MARCHF1: variants seen among roughly 807,000 people sequenced by gnomAD.
MARCHF1 encodes the protein membrane associated ring-CH-type finger 1, also known as E3 ubiquitin-protein ligase MARCHF1.
A neutral mutation model predicts 54.2 loss-of-function variants in MARCHF1; 40 were observed. The ratio of observed to expected loss-of-function variants is 0.74; its 90% CI spans 0.57 to 0.96. MARCHF1 has a LOEUF of 0.96. Ranked by LOEUF, MARCHF1 falls within the 40% of genes least tolerant of loss-of-function variation. The probability of loss-of-function intolerance (pLI) is 0.00; values close to 1 mark genes in which losing one functional copy is unlikely to be tolerated. For synonymous variants in MARCHF1, 236 were observed against 236.3 expected (o/e 1.00, Z 0.01); for missense variants, 586 against 656.5 (o/e 0.89, Z 1.17).
intron 1 of MARCHF1, among the ~76,000 whole-genome samples, chr4:164,122,735 G>A (rs534034373): frequency 1.4e-4 from 22 of 151,822 alleles, no homozygotes; most frequent in Admixed American, 6.6e-4. Context: ...GTGTGTTTTC[G>A]TGTCCTAAAT....
At chr4:163,843,629 C>G (rs193242876) in intron 4 of MARCHF1, among the ~76,000 whole-genome samples, 1 of 151,940 alleles carries the variant, frequency 6.6e-6, no homozygotes, top group Non-Finnish European at 1.5e-5. Context: ...CTACATCTAT[C>G]AACCCATCAC....
chr4:164,265,048 AATT>A (rs1290955608), intron 1 of MARCHF1, among the ~76,000 whole-genome samples: 7 of 152,164 alleles, frequency 4.6e-5, no homozygotes, highest in African/African-American at 1.2e-4. Flanking sequence ...GTATTTGAAA[AATT>A]ATTGATTCAT....
chr4:163,927,050 G>C (rs1351245129), intron 3 of MARCHF1, among the ~76,000 whole-genome samples: 6 of 151,614 alleles, frequency 4.0e-5, no homozygotes, highest in Admixed American at 4.0e-4. Flanking sequence ...TCCAAATTTA[G>C]ATAAAAAATT....
chr4:163,953,308 T>C (rs557678322), intron 3 of MARCHF1, among the ~76,000 whole-genome samples: 7 of 152,314 alleles, frequency 4.6e-5, no homozygotes, highest in African/African-American at 2.4e-5. Flanking sequence ...CTTGGATTAT[T>C]TCTACCCACT....
chr4:163,846,782 T>A (rs1326528726), intron 4 of MARCHF1, among the ~76,000 whole-genome samples: 1 of 152,110 alleles, frequency 6.6e-6, no homozygotes, highest in African/African-American at 2.4e-5. Flanking sequence ...AAAGGTTTAA[T>A]ATACAAGATA....
At chr4:163,794,297 C>T (rs565581041) in intron 4 of MARCHF1, among the ~76,000 whole-genome samples, 3 of 152,138 alleles carry the variant, frequency 2.0e-5, no homozygotes, top group Non-Finnish European at 4.4e-5. Context: ...TCCCTCTTGG[C>T]TGAATTCTCA....
chr4:164,350,084 G>A (rs1730235616), intron 1 of MARCHF1, among the ~76,000 whole-genome samples: 1 of 152,072 alleles, frequency 6.6e-6, no homozygotes, highest in African/African-American at 2.4e-5. Flanking sequence ...ATATTCAAGT[G>A]AATAAGAACA....
chr4:163,846,543 T>G (rs1749490139), intron 4 of MARCHF1, among the ~76,000 whole-genome samples: 1 of 152,132 alleles, frequency 6.6e-6, no homozygotes, highest in African/African-American at 2.4e-5. Flanking sequence ...TTGGTTTCTT[T>G]GTAAGGACAA....
At chr4:164,047,182 C>T (rs932597475) in intron 2 of MARCHF1, among the ~76,000 whole-genome samples, 1 of 152,164 alleles carries the variant, frequency 6.6e-6, no homozygotes, top group Non-Finnish European at 1.5e-5. Flanking sequence ...GAAACCCTAG[C>T]TCAGGCAATG....
Position 163,732,971 on chromosome 4 carries a change from G to A in MARCHF1, c.112-32108C>T, listed in dbSNP as rs553221131. ...GTTCAAGACCAGCCTGGCCAACATG[G>A]TGAAGCCCCGTCTCTACTAAAAATA... On this transcript the variant is annotated intron_variant, in intron 4 of 9. Coordinates refer to ENST00000514618, the MANE Select transcript of MARCHF1 (RefSeq NM_001394959.1). Among the ~76,000 whole-genome samples the A allele has an allele frequency of 2.0e-3, 304 of 151,308 alleles. 1 individual carries two copies. Among genetic ancestry groups the A allele is most frequent in the African/African-American group, 6.7e-3 (277 of 41,240 alleles).
intron 2 of MARCHF1, among the ~76,000 whole-genome samples, chr4:164,111,240 T>C (rs192057319): frequency 6.6e-6 from 1 of 151,884 alleles, no homozygotes; most frequent in East Asian, 1.9e-4. Context: ...AAATCAAATG[T>C]ATTTGTTCAC....
intron 3 of MARCHF1, among the ~76,000 whole-genome samples, chr4:163,891,409 TTC>T (rs1750657728): frequency 2.0e-5 from 3 of 152,162 alleles, no homozygotes; most frequent in South Asian, 2.1e-4. Flanking sequence ...ACGCTTCATG[TTC>T]TGTTTTCTCA....
chr4:164,276,932 T>TTATATATATA (rs1279487239), intron 1 of MARCHF1, among the ~76,000 whole-genome samples: 2 of 75,982 alleles, frequency 2.6e-5, no homozygotes, highest in African/African-American at 4.9e-5. Flanking sequence ...ATGTCTCATA[T>TTATATATATA]TCTATATATA....
intron 1 of MARCHF1, among the ~76,000 whole-genome samples, chr4:164,165,080 G>A (rs1277149518): frequency 2.0e-5 from 3 of 151,978 alleles, no homozygotes; most frequent in Admixed American, 6.6e-5. Context: ...AAGAGCGCAT[G>A]TCAGATAGCC....
chr4:164,237,738 T>C (rs1406310007), intron 1 of MARCHF1, among the ~76,000 whole-genome samples: 2 of 152,044 alleles, frequency 1.3e-5, no homozygotes, highest in Non-Finnish European at 2.9e-5. Context: ...TGTTTTGTGT[T>C]TGACCTAGAG....
chr4:163,785,461 A>G (rs1052649209), intron 4 of MARCHF1, among the ~76,000 whole-genome samples: 2 of 152,058 alleles, frequency 1.3e-5, no homozygotes, highest in Non-Finnish European at 2.9e-5. Flanking sequence ...ATTTCAAATT[A>G]TGGCTCTTTT....
intron 5 of MARCHF1, among the ~76,000 whole-genome samples, chr4:163,686,031 G>T (rs1262575812): frequency 1.3e-5 from 2 of 152,126 alleles, no homozygotes; most frequent in African/African-American, 4.8e-5. Flanking sequence ...AATCTGTCTA[G>T]AAGGGTTCTT....
chr4:164,112,706 G>A (rs1755859324), intron 1 of MARCHF1, among the ~76,000 whole-genome samples: 1 of 151,850 alleles, frequency 6.6e-6, no homozygotes, highest in African/African-American at 2.4e-5. Flanking sequence ...CACATAAGGT[G>A]AGAAAACTAA....
chr4:163,639,220 A>T (rs1341678946), intron 5 of MARCHF1, among the ~76,000 whole-genome samples: 2 of 152,202 alleles, frequency 1.3e-5, no homozygotes, highest in Non-Finnish European at 2.9e-5. Flanking sequence ...AGAGCAGGAA[A>T]GATGAGATTT....
Sources: gnomAD v4.1 joint callset for allele counts (sites outside exome capture counted in the v4.1 genomes callset) on GRCh38, gnomAD v4.1.1 for gene constraint, MANE v1.5 for transcripts, NCBI Gene and HGNC (gene_info 2026-07-23, HGNC 2026-07-21) for gene names.